The following MSH3 variants were observed in gnomAD, a reference collection of about 807,000 sequenced individuals.
MSH3 encodes the protein DNA mismatch repair protein Msh3.
A neutral mutation model predicts 123.3 loss-of-function variants in MSH3; 106 were observed. That is an observed-to-expected ratio of 0.86 (90% CI 0.73 to 1.01). The LOEUF is 1.01. Ranked by LOEUF, MSH3 falls within the 50% of genes least tolerant of loss-of-function variation. The probability of loss-of-function intolerance (pLI) is 0.00; values close to 1 mark genes in which losing one functional copy is unlikely to be tolerated. For missense variants in MSH3, 1,459 were observed against 1,347.6 expected (o/e 1.08, Z -1.29); for synonymous variants, 515 against 481.4 (o/e 1.07, Z -0.91).
At chr5:80,675,253 A>C in intron 7 of MSH3, 125 bp downstream of exon 7, 11 of 1,120,476 alleles carry the variant, frequency 9.8e-6, no homozygotes, top group Non-Finnish European at 1.3e-5. Flanking sequence ...ATACAAGAAA[A>C]ACATTTTTCT....
At chr5:80,854,436 A>G in intron 21 of MSH3, 120 bp downstream of exon 21, 1 of 835,356 alleles carries the variant, frequency 1.2e-6, no homozygotes, top group Admixed American at 2.3e-5. Context: ...ACATATAAAC[A>G]ATATGGAGTG....
intron 20 of MSH3, among the ~76,000 whole-genome samples, chr5:80,832,921 C>T (rs1745444893): frequency 6.6e-6 from 1 of 152,024 alleles, no homozygotes; most frequent in Admixed American, 6.6e-5. Context: ...GCAAAAGGCC[C>T]AGAGATTGTG....
intron 22 of MSH3, among the ~76,000 whole-genome samples, chr5:80,872,794 A>G (rs1188675231): frequency 6.6e-6 from 1 of 152,198 alleles, no homozygotes; most frequent in Non-Finnish European, 1.5e-5. Context: ...GTAATAGAAC[A>G]AGACCCTATC....
At chr5:80,757,500 G>A (rs1186129325) in intron 12 of MSH3, among the ~76,000 whole-genome samples, 1 of 152,076 alleles carries the variant, frequency 6.6e-6, no homozygotes, top group Non-Finnish European at 1.5e-5. Context: ...ATCTTCAAAT[G>A]TGAAGGACTC....
At chr5:80,660,166 A>C (rs1214370578) in intron 2 of MSH3, among the ~76,000 whole-genome samples, 2 of 152,128 alleles carry the variant, frequency 1.3e-5, no homozygotes. Flanking sequence ...GAGGCCTCAG[A>C]AACATTGTGG....
intron 4 of MSH3, among the ~76,000 whole-genome samples, chr5:80,670,700 A>G (rs537314804): frequency 2.0e-5 from 3 of 152,282 alleles, no homozygotes; most frequent in South Asian, 2.1e-4. Context: ...TAATTTATGA[A>G]TTTTCATAGC....
intron 8 of MSH3, among the ~76,000 whole-genome samples, chr5:80,692,038 TTAGA>T (rs565908466): frequency 3.1e-5 from 2 of 64,342 alleles, no homozygotes; most frequent in Non-Finnish European, 7.0e-5. Context: ...AACAGTATGT[TTAGA>T]TAGATAAACA....
chr5:80,834,213 T>C (rs1411259381), intron 20 of MSH3, among the ~76,000 whole-genome samples: 1 of 152,106 alleles, frequency 6.6e-6, no homozygotes, highest in Non-Finnish European at 1.5e-5. Flanking sequence ...GCCTTCAAAC[T>C]ACCCTCCAGG....
At chr5:80,702,631 G>A (rs1750636014) in intron 8 of MSH3, among the ~76,000 whole-genome samples, 1 of 152,082 alleles carries the variant, frequency 6.6e-6, no homozygotes, top group African/African-American at 2.4e-5. Flanking sequence ...TAGAAAGACA[G>A]GTAACACTTA....
intron 6 of MSH3, 24 bp from the exon 7 acceptor site, chr5:80,674,955 ATAAT>A: frequency 6.8e-7 from 1 of 1,477,070 alleles, no homozygotes; most frequent in Non-Finnish European, 9.3e-7. Flanking sequence ...AATTTAGCAT[ATAAT>A]TATTTTTCTT....
chr5:80,811,094 A>G (rs138870079), intron 19 of MSH3, among the ~76,000 whole-genome samples: 69 of 152,210 alleles, frequency 4.5e-4, no homozygotes, highest in Non-Finnish European at 8.4e-4. Context: ...GTGATACTCA[A>G]CCTGTATTTG....
intron 12 of MSH3, among the ~76,000 whole-genome samples, chr5:80,747,585 C>T (rs6151759): frequency 0.036 from 5,526 of 152,216 alleles, 311 homozygotes; most frequent in African/African-American, 0.13. Context: ...ATTTTAATGG[C>T]ACTTGCAACG....
rs113558149 is a variant in MSH3, at chr5:80,727,170, C to T, written c.1453+1605C>T. Among the ~76,000 whole-genome samples, 565 of 152,312 alleles carry T rather than the reference C, an allele frequency of 3.7e-3. 2 individuals are homozygous for T. Among genetic ancestry groups the T allele is most frequent in the African/African-American group, 0.013 (540 of 41,548 alleles). On this transcript the variant is annotated intron_variant, in intron 9 of 23. Coordinates refer to ENST00000265081, the MANE Select transcript of MSH3 (RefSeq NM_002439.5). ...CAGGTATTTATAATTCTTCTCAGTCCAGATGTAATTTACTGATATTTGGTC... is the reference window on the plus strand; with the variant it reads ...CAGGTATTTATAATTCTTCTCAGTCTAGATGTAATTTACTGATATTTGGTC...
rs546538102 is a variant in MSH3 at position 80,756,441 on chromosome 5, T to A, written c.1764-5105T>A. Among the ~76,000 whole-genome samples the A allele has an allele frequency of 4.6e-5, 7 of 152,266 alleles. No homozygotes were observed. In the East Asian group the frequency reaches 1.4e-3, roughly 29 times the overall value. ...ATTCCTGACACTGTTCTTATGTGCA[T>A]CCAGACTATTAGCCTTGGATCCCAG... On this transcript the variant is annotated intron_variant, in intron 12 of 23. Coordinates refer to ENST00000265081, the MANE Select transcript of MSH3 (RefSeq NM_002439.5).
chr5:80,692,872 GATAA>G, intron 8 of MSH3, among the ~76,000 whole-genome samples: 1 of 99,508 alleles, frequency 1.0e-5, no homozygotes, highest in Admixed American at 1.0e-4. Flanking sequence ...TATATGTTTA[GATAA>G]ATATACATGC....
At chr5:80,775,794 T>G in intron 16 of MSH3, 36 bp downstream of exon 16, 3 of 1,107,574 alleles carry the variant, frequency 2.7e-6, no homozygotes, top group Non-Finnish European at 2.8e-6. Flanking sequence ...TACAATGCAT[T>G]ATGATGACAT....
chr5:80,665,681 A>G (rs757350435), intron 3 of MSH3, among the ~76,000 whole-genome samples: 1 of 152,200 alleles, frequency 6.6e-6, no homozygotes, highest in Non-Finnish European at 1.5e-5. Context: ...AGTTTCTTAC[A>G]GTCTTCCTTA....
chr5:80,874,799 CAT>C (rs1746278095), intron 23 of MSH3, among the ~76,000 whole-genome samples: 1 of 152,152 alleles, frequency 6.6e-6, no homozygotes, highest in Non-Finnish European at 1.5e-5. Flanking sequence ...TCAGATTACT[CAT>C]AAATATTTTA....
chr5:80,867,815 A>G (rs1450136016), intron 22 of MSH3, among the ~76,000 whole-genome samples: 1 of 152,000 alleles, frequency 6.6e-6, no homozygotes, highest in African/African-American at 2.4e-5. Flanking sequence ...TAGATGGTGG[A>G]TATTAGACCT....
Sources: allele counts gnomAD v4.1 joint callset (sites outside exome capture counted in the v4.1 genomes callset), GRCh38; gene constraint gnomAD v4.1.1; transcripts MANE v1.5; gene names NCBI Gene and HGNC (gene_info 2026-07-23, HGNC 2026-07-21).